NFU1: variants seen among roughly 807,000 people sequenced by gnomAD.
NFU1 encodes the protein NFU1 iron-sulfur cluster scaffold.
NFU1 carries 30 observed loss-of-function variants against 32.2 expected under a neutral mutation model. The observed-to-expected ratio is 0.93, with a 90% confidence interval of 0.70 to 1.26. The LOEUF (loss-of-function observed/expected upper bound fraction) is 1.26. Ranked by LOEUF, NFU1 falls within the 50% of genes most tolerant of loss-of-function variation. NFU1 has a pLI of 0.00. For missense variants in NFU1, 306 were observed against 306.6 expected (o/e 1.00, Z 0.02); for synonymous variants, 112 against 104.6 (o/e 1.07, Z -0.43).
upstream of NFU1, chr2:69,437,467 G>T: frequency 1.3e-6 from 2 of 1,594,436 alleles, no homozygotes; most frequent in South Asian, 1.1e-5. Context: ...AACCACGAAA[G>T]ATCTGCGCAG....
intron 7 of NFU1, among the ~76,000 whole-genome samples, chr2:69,397,609 T>G (rs1256515718): frequency 2.5e-5 from 2 of 79,060 alleles, no homozygotes; most frequent in East Asian, 3.4e-4. Context: ...AAAGTAAGGT[T>G]TTTTTTTTTA....
rs769116545 is a variant in NFU1, at chr2:69,406,086, GAAAT to G, written c.485-8_485-5del. ...ACTTCATCATCTTCTTCAGATCCTA[GAAAT>G]AATTACATATAAAAACATCAAGAGT... On this transcript the variant is annotated splice_polypyrimidine_tract_variant and splice_region_variant and intron_variant, in intron 5 of 7. Transcript: ENST00000410022. 9 of 1,561,804 alleles carry G rather than the reference GAAAT, an allele frequency of 5.8e-6. No homozygotes were observed. The Admixed American group carries it at 1.2e-4, about 20-fold the overall frequency.
intron 3 of NFU1, among the ~76,000 whole-genome samples, chr2:69,421,807 C>T (rs1673254822): frequency 6.6e-6 from 1 of 151,766 alleles, no homozygotes; most frequent in African/African-American, 2.4e-5. Flanking sequence ...CATGATCCGC[C>T]CGCCTCGGCC....
At chr2:69,398,880 G>C (rs1323811442) in intron 7 of NFU1, among the ~76,000 whole-genome samples, 1 of 152,124 alleles carries the variant, frequency 6.6e-6, no homozygotes, top group African/African-American at 2.4e-5. Context: ...TACTACCCAA[G>C]GATGAGTGAT....
intron 3 of NFU1, among the ~76,000 whole-genome samples, chr2:69,422,971 T>A (rs1274480609): frequency 6.6e-6 from 1 of 151,652 alleles, no homozygotes; most frequent in African/African-American, 2.4e-5. Flanking sequence ...CTCCTCAGCC[T>A]CCTCAACATT....
At chr2:69,396,869 A>C (rs1672355271) in intron 7 of NFU1, among the ~76,000 whole-genome samples, 1 of 151,938 alleles carries the variant, frequency 6.6e-6, no homozygotes, top group Admixed American at 6.6e-5. Context: ...GCAGAAGATC[A>C]AGACCATCCT....
chr2:69,404,777 G>A (rs28893270), intron 6 of NFU1, among the ~76,000 whole-genome samples: 55,887 of 149,976 alleles, frequency 0.37, 10,835 homozygotes, highest in Middle Eastern at 0.44. Context: ...CCACCACCAC[G>A]CCTGGCTAAT....
chr2:69,419,461 T>A (rs1456351389), intron 4 of NFU1, 77 bp downstream of exon 4: 2 of 726,798 alleles, frequency 2.8e-6, no homozygotes, highest in Non-Finnish European at 4.8e-6. Context: ...AGAATGGAAA[T>A]GTTGGAGAGA....
intron 6 of NFU1, among the ~76,000 whole-genome samples, chr2:69,405,723 T>A (rs1324720500): frequency 2.0e-5 from 3 of 151,922 alleles, no homozygotes; most frequent in Non-Finnish European, 4.4e-5. Context: ...AAACATTAAG[T>A]CTTTTTTTTT....
intron 5 of NFU1, among the ~76,000 whole-genome samples, chr2:69,406,529 T>C (rs1464163589): frequency 1.3e-5 from 2 of 152,206 alleles, no homozygotes; most frequent in East Asian, 1.9e-4. Flanking sequence ...ATGCCAGCCA[T>C]ACTAAATATA....
At chr2:69,428,039 AAAG>A (rs1673523116) in intron 2 of NFU1, among the ~76,000 whole-genome samples, 1 of 152,132 alleles carries the variant, frequency 6.6e-6, no homozygotes, top group Non-Finnish European at 1.5e-5. Flanking sequence ...AAAAAAGAAA[AAAG>A]AAAATGAACC....
intron 2 of NFU1, among the ~76,000 whole-genome samples, chr2:69,427,340 G>A (rs1471855716): frequency 3.4e-5 from 5 of 148,692 alleles, no homozygotes; most frequent in Admixed American, 6.7e-5. Flanking sequence ...AACTGGGATC[G>A]CACCATTGCA....
chr2:69,438,902 ACCCACCCC>A (rs1215570975), upstream of NFU1, among the ~76,000 whole-genome samples: 2 of 27,300 alleles, frequency 7.3e-5, no homozygotes, highest in South Asian at 2.9e-3. Flanking sequence ...CCAACCCCCC[ACCCACCCC>A]CCCACACACA....
At chr2:69,432,734 G>A (rs980430819) in intron 1 of NFU1, among the ~76,000 whole-genome samples, 10 of 151,370 alleles carry the variant, frequency 6.6e-5, no homozygotes, top group Admixed American at 2.6e-4. Flanking sequence ...AAACTGGTAA[G>A]GGAAAAAAGC....
At chr2:69,419,666 C>T in intron 3 of NFU1, 62 bp from the exon 4 acceptor site, 1 of 997,732 alleles carries the variant, frequency 1.0e-6, no homozygotes, top group South Asian at 1.4e-5. Context: ...TTTAAACATA[C>T]ACAAAAGTAG....
chr2:69,423,162 G>A (rs867723134), intron 3 of NFU1, among the ~76,000 whole-genome samples: 1 of 97,716 alleles, frequency 1.0e-5, no homozygotes, highest in African/African-American at 4.1e-5. Flanking sequence ...GTGTGTGTGT[G>A]TGTGTATGTG....
At chr2:69,409,441 G>C (rs1032125655) in intron 5 of NFU1, among the ~76,000 whole-genome samples, 1 of 151,986 alleles carries the variant, frequency 6.6e-6, no homozygotes, top group African/African-American at 2.4e-5. Context: ...TAAGACTCAA[G>C]ACATATATCT....
intron 6 of NFU1, among the ~76,000 whole-genome samples, chr2:69,401,462 A>G (rs1381042866): frequency 3.3e-5 from 5 of 152,224 alleles, no homozygotes; most frequent in African/African-American, 9.6e-5. Flanking sequence ...TCACTGCTGC[A>G]TAGTATTCCA....
chr2:69,423,054 G>A (rs1174204438), intron 3 of NFU1, among the ~76,000 whole-genome samples: 1 of 151,560 alleles, frequency 6.6e-6, no homozygotes, highest in Non-Finnish European at 1.5e-5. Context: ...ATGGCTCACT[G>A]CAGCCTCAAC....
Sources: allele counts gnomAD v4.1 joint callset (sites outside exome capture counted in the v4.1 genomes callset), GRCh38; gene constraint gnomAD v4.1.1; transcripts MANE v1.5; gene names NCBI Gene and HGNC (gene_info 2026-07-23, HGNC 2026-07-21).